The following TARDBP variants were observed in gnomAD, a reference collection of about 807,000 sequenced individuals.
The protein encoded by TARDBP is TAR DNA binding protein.
In TARDBP, 4 loss-of-function variants were observed where a neutral mutation model predicts 38.3. The ratio of observed to expected loss-of-function variants is 0.10; its 90% CI spans 0.05 to 0.24. TARDBP has a LOEUF of 0.24. Among genes scored for constraint, TARDBP ranks in the 10% least tolerant of loss-of-function variants. The probability of loss-of-function intolerance (pLI) is 1.00; values close to 1 mark genes in which losing one functional copy is unlikely to be tolerated. For missense variants in TARDBP, 202 were observed against 521.9 expected (o/e 0.39, Z 5.97); for synonymous variants, 184 against 183.8 (o/e 1.00, Z -0.01).
downstream of TARDBP, chr1:11,030,318 C>A (rs1643822672): frequency 9.2e-7 from 1 of 1,086,536 alleles, no homozygotes. Context: ...TGCTTGAATA[C>A]CCCCTTGAAA....
At chr1:11,030,288 T>C, downstream of TARDBP, 1 of 1,429,214 alleles carries the variant, frequency 7.0e-7, no homozygotes, top group Non-Finnish European at 9.8e-7. Context: ...TTTAACTGCA[T>C]GTATAAGATG....
chr1:11,030,246 T>C (rs777934596), downstream of TARDBP: 9 of 1,612,354 alleles, frequency 5.6e-6, no homozygotes, highest in African/African-American at 5.3e-5. Context: ...CACACACATA[T>C]TTACCTGCAA....
Position 11,024,646 on chromosome 1 carries a change from G to T in TARDBP, c.*1992G>T, listed in dbSNP as rs1171949270. On this transcript the variant is annotated 3_prime_UTR_variant, in exon 6 of 6. Transcript: ENST00000240185. ...GAGGCCTGATAGCTTTAAGAATTAG[G>T]GTGGGTTGTCTGTCTGGAAGTGTTA... 1 of 152,624 alleles carries T rather than the reference G, an allele frequency of 6.6e-6. No individual in the cohort carries two copies. The highest frequency in any genetic ancestry group is 2.4e-5 in the African/African-American group (1 of 41,442). The allele number at this position is 152,624 out of a possible 1,614,324, so 9.5% of individuals were successfully genotyped here.
chr1:11,023,239 A>G lies in TARDBP; in HGVS notation c.*585A>G. 2 of 1,550,528 alleles carry G rather than the reference A, an allele frequency of 1.3e-6. No individual in the cohort carries two copies. The highest frequency in any genetic ancestry group is 4.9e-5 in the East Asian group (2 of 40,934). The stretch of plus-strand genomic sequence containing the variant: ...ATGGAAGAAGCACTTCATTGAAAGT[A>G]GTGCTGTAAATATTCTGCCATAGGA... On this transcript the variant is annotated 3_prime_UTR_variant, in exon 6 of 6. Coordinates refer to ENST00000240185, the MANE Select transcript of TARDBP (RefSeq NM_007375.4).
At chr1:11,027,387 T>C, downstream of TARDBP, 2 of 1,614,220 alleles carry the variant, frequency 1.2e-6, no homozygotes, top group South Asian at 2.2e-5. Context: ...ATAACCTTCA[T>C]GTATAAAAAC....
rs77418766 is a variant in TARDBP at position 11,014,411 on chromosome 1, A to G, written c.238+446A>G. Among the ~76,000 whole-genome samples, 226 of 152,304 alleles carry G rather than the reference A, an allele frequency of 1.5e-3. 2 individuals are homozygous for G. Among genetic ancestry groups the G allele is most frequent in the African/African-American group, 5.3e-3 (219 of 41,544 alleles). On this transcript the variant is annotated intron_variant, in intron 2 of 5. Coordinates refer to ENST00000240185, the MANE Select transcript of TARDBP (RefSeq NM_007375.4). ...CTTGAATTAGTGCAGTTCCAATTAC[A>G]ATTTCGAGGTTCTGGTCTTATCCTT...
intron 5 of TARDBP, among the ~76,000 whole-genome samples, chr1:11,021,780 GT>G (rs201903701): frequency 6.6e-6 from 1 of 151,800 alleles, no homozygotes; most frequent in Non-Finnish European, 1.5e-5. Context: ...CTTTTTTGTG[GT>G]TTTTTTTGAT....
In TARDBP at chr1:11,022,524, ACT is replaced by A. The variant is rs1643661536; in HGVS notation, c.1118_1119del (p.Ser373LeufsTer2). The A allele has an allele frequency of 6.3e-7, 1 of 1,590,054 alleles. No homozygotes were observed. The highest frequency in any genetic ancestry group is 8.6e-7 in the Non-Finnish European group (1 of 1,165,136). On this transcript the variant is annotated frameshift_variant, in exon 6 of 6. Transcript: ENST00000240185. LOFTEE classifies it high-confidence loss of function. The surrounding 1 kb of genome is among the most constrained non-coding windows in gnomAD (Gnocchi z 4.5). ...AACCAGGCCTTCGGTTCTGGAAATAACTCTTATAGTGGCTCTAATTCTGGTGC... is the reference window on the plus strand; with the variant it reads ...AACCAGGCCTTCGGTTCTGGAAATAACTTATAGTGGCTCTAATTCTGGTGC...
chr1:11,027,496 C>A (rs1422526937), downstream of TARDBP: 1 of 1,614,036 alleles, frequency 6.2e-7, no homozygotes, highest in Non-Finnish European at 8.5e-7. Context: ...TCATAGACGG[C>A]ATGAGCAGCT....
downstream of TARDBP, chr1:11,026,285 G>C (rs1643730786): frequency 6.6e-6 from 1 of 152,200 alleles, no homozygotes; most frequent in Admixed American, 6.6e-5. Context: ...AATAGTCCTT[G>C]GGAAGTTTAT....
downstream of TARDBP, chr1:11,027,339 A>G: frequency 6.2e-7 from 1 of 1,614,184 alleles, no homozygotes; most frequent in Non-Finnish European, 8.5e-7. Context: ...ATTCAATTTA[A>G]TCAGTGCTAT....
chr1:11,027,454 G>A (rs200468343), downstream of TARDBP: 32 of 1,613,998 alleles, frequency 2.0e-5, no homozygotes, highest in Admixed American at 2.8e-4. Context: ...GTGCCCATTC[G>A]AATGTCCAGG....
intron 4 of TARDBP, 67 bp from the exon 5 acceptor site, chr1:11,020,357 CCCTTA>C (rs1239187732): frequency 8.9e-6 from 14 of 1,574,432 alleles, no homozygotes; most frequent in Non-Finnish European, 1.1e-5. Context: ...TTTGTTATAT[CCCTTA>C]CCTTAATGTT....
intron 1 of TARDBP, among the ~76,000 whole-genome samples, chr1:11,013,107 G>T (rs554341125): frequency 8.5e-5 from 13 of 152,366 alleles, no homozygotes; most frequent in African/African-American, 3.1e-4. Context: ...CGGCTGGCAC[G>T]CGCGGGCTTC....
At chr1:11,028,697 G>GTTTTTTTTTTTTTTT (rs1208974169), downstream of TARDBP, among the ~76,000 whole-genome samples, 3 of 36,176 alleles carry the variant, frequency 8.3e-5, 1 homozygote, top group African/African-American at 3.9e-4. Flanking sequence ...ATCTTTCTGG[G>GTTTTTTTTTTTTTTT]TTTTTTTTCT....
At chr1:11,017,082 AG>A in intron 3 of TARDBP, 75 bp downstream of exon 3, 1 of 1,509,452 alleles carries the variant, frequency 6.6e-7, no homozygotes, top group Non-Finnish European at 9.2e-7. Flanking sequence ...TGGTATAAAT[AG>A]AGATGGGGTA....
In TARDBP at chr1:11,013,699, ATCTCTTT is replaced by A; in HGVS notation, c.-12-9_-12-3del. On this transcript the variant is annotated splice_polypyrimidine_tract_variant and intron_variant, in intron 1 of 5. Transcript: ENST00000240185. ...TCTGACATGAATGTTGTTCATTCAT[ATCTCTTT>A]TCTCTTTAGGAAAAGTAAAAGATGT... 1 of 1,554,660 alleles carries A rather than the reference ATCTCTTT, an allele frequency of 6.4e-7. No homozygotes were observed. Among genetic ancestry groups the A allele is most frequent in the Non-Finnish European group, 8.8e-7 (1 of 1,135,100 alleles).
chr1:11,025,722 C>T (rs1388897363), downstream of TARDBP: 1 of 152,264 alleles, frequency 6.6e-6, no homozygotes, highest in Non-Finnish European at 1.5e-5. Context: ...TGAATGTTAG[C>T]TATTAAAACC....
Position 11,023,382 on chromosome 1 carries a change from G to A in TARDBP, c.*728G>A, listed in dbSNP as rs1570726679. 2.1e-6 allele frequency: 2 copies of A among 974,686 alleles called. No homozygotes were observed. Among genetic ancestry groups the A allele is most frequent in the South Asian group, 1.6e-5 (1 of 63,332 alleles). The allele number at this position is 974,686 out of a possible 1,614,324, so 60.4% of individuals were successfully genotyped here. On this transcript the variant is annotated 3_prime_UTR_variant, in exon 6 of 6. Coordinates refer to ENST00000240185, the MANE Select transcript of TARDBP (RefSeq NM_007375.4). ...CTTTATTTCATGGAGTCGTATCAAC[G>A]CTATGAACGCAAGGCTGTGATATGG... is the stretch of plus-strand genomic sequence containing the variant.
Sources: gnomAD v4.1 joint callset for allele counts (sites outside exome capture counted in the v4.1 genomes callset) on GRCh38, gnomAD v4.1.1 for gene constraint, Gnocchi (gnomAD v3.1) non-coding constraint, MANE v1.5 for transcripts, NCBI Gene and HGNC (gene_info 2026-07-23, HGNC 2026-07-21) for gene names.